Variants in YTHDC2 observed in about 807,000 individuals in gnomAD.
YTHDC2 encodes the protein 3'-5' RNA helicase YTHDC2.
YTHDC2 carries 45 observed loss-of-function variants against 174.9 expected under a neutral mutation model. That is an observed-to-expected ratio of 0.26 (90% CI 0.20 to 0.33). The LOEUF is 0.33. Ranked by LOEUF, YTHDC2 falls within the 10% of genes least tolerant of loss-of-function variation. YTHDC2 has a pLI of 1.00. For missense variants in YTHDC2, 1,650 were observed against 1,723.7 expected (o/e 0.96, Z 0.76); for synonymous variants, 657 against 574.5 (o/e 1.14, Z -2.05).
chr5:113,579,569 AT>A lies in YTHDC2; in HGVS notation c.3245-15del, dbSNP rs1561700452. 2 of 1,542,594 alleles carry A rather than the reference AT, an allele frequency of 1.3e-6. No individual in the cohort carries two copies. Among genetic ancestry groups the A allele is most frequent in the Non-Finnish European group, 1.7e-6 (2 of 1,144,730 alleles). Reference sequence around the variant, plus strand: ...AGAAGGTAAAAGTGATTTTTTTTTCATTATGTACTTGGACAGTGGATGGCAT... The same window carrying A: ...AGAAGGTAAAAGTGATTTTTTTTTCATATGTACTTGGACAGTGGATGGCAT... On this transcript the variant is annotated splice_polypyrimidine_tract_variant and intron_variant, in intron 23 of 29. Coordinates refer to ENST00000161863, the MANE Select transcript of YTHDC2 (RefSeq NM_022828.5).
chr5:113,533,062 T>C lies in YTHDC2; in HGVS notation c.842+17T>C. On this transcript the variant is annotated intron_variant, in intron 5 of 29. Coordinates refer to ENST00000161863, the MANE Select transcript of YTHDC2 (RefSeq NM_022828.5). ...AGAAAGCAGGTAAAAACAGTTCTCA[T>C]GTATCTTCTCTTTTATCATGCTTAA... 1 of 1,612,238 alleles carries C rather than the reference T, an allele frequency of 6.2e-7. No homozygotes were observed. Among genetic ancestry groups the C allele is most frequent in the African/African-American group, 1.3e-5 (1 of 74,774 alleles).
intron 4 of YTHDC2, among the ~76,000 whole-genome samples, chr5:113,529,727 T>C (rs1774524003): frequency 6.6e-6 from 1 of 152,154 alleles, no homozygotes; most frequent in Non-Finnish European, 1.5e-5. Flanking sequence ...TGCTTTATTA[T>C]ATATTATAGA....
intron 6 of YTHDC2, among the ~76,000 whole-genome samples, chr5:113,535,441 A>G (rs1338991996): frequency 3.3e-5 from 5 of 152,152 alleles, no homozygotes; most frequent in South Asian, 2.1e-4. Context: ...CCAGGGGACA[A>G]CTTTACTTTG....
chr5:113,539,047 A>G (rs761647854), intron 7 of YTHDC2, 27 bp from the exon 8 acceptor site: 4 of 1,096,594 alleles, frequency 3.6e-6, no homozygotes, highest in Admixed American at 6.4e-5. Flanking sequence ...ATGCAAGTTG[A>G]GTATTTAATT....
intron 4 of YTHDC2, 129 bp from the exon 5 acceptor site, chr5:113,532,747 ATGT>A (rs1358883534): frequency 6.7e-5 from 49 of 727,292 alleles, no homozygotes; most frequent in Admixed American, 2.7e-4. Context: ...AGTTACATGA[ATGT>A]TGTTGATTTT....
intron 17 of YTHDC2, among the ~76,000 whole-genome samples, chr5:113,558,002 G>A (rs1237426160): frequency 6.6e-6 from 1 of 152,188 alleles, no homozygotes; most frequent in Non-Finnish European, 1.5e-5. Flanking sequence ...AGTAAATTAA[G>A]CAATTTTAAT....
intron 17 of YTHDC2, 69 bp downstream of exon 17, chr5:113,556,203 A>G (rs1776596595): frequency 1.3e-6 from 1 of 751,058 alleles, no homozygotes; most frequent in Non-Finnish European, 2.2e-6. Context: ...TGCATTACAC[A>G]TTTATCATAT....
intron 11 of YTHDC2, 90 bp from the exon 12 acceptor site, chr5:113,548,865 G>A: frequency 7.7e-7 from 1 of 1,291,730 alleles, no homozygotes; most frequent in Non-Finnish European, 1.0e-6. Flanking sequence ...AAATTTTTTT[G>A]AAAAGACAGG....
chr5:113,534,434 T>G, intron 6 of YTHDC2, 27 bp downstream of exon 6: 1 of 1,586,818 alleles, frequency 6.3e-7, no homozygotes, highest in African/African-American at 1.3e-5. Flanking sequence ...ATTTGTCATA[T>G]GTAACTCAGA....
At chr5:113,588,125 A>G (rs1021915369) in intron 26 of YTHDC2, among the ~76,000 whole-genome samples, 1 of 152,038 alleles carries the variant, frequency 6.6e-6, no homozygotes, top group African/African-American at 2.4e-5. Flanking sequence ...TATTAATTCT[A>G]TTAGCTTTTT....
rs1448734981 is a variant in YTHDC2 at position 113,581,675 on chromosome 5, A to G, written c.3613A>G (p.Thr1205Ala). 30 of 1,608,042 alleles carry G rather than the reference A, an allele frequency of 1.9e-5. No individual in the cohort carries two copies. The highest frequency in any genetic ancestry group is 2.4e-5 in the Non-Finnish European group (28 of 1,177,966). The change falls in exon 25 of 30, where the codon ACT becomes GCT. Residue 1205 changes from threonine to alanine, a missense_variant. By Grantham distance (58) the Thr-to-Ala change is moderately conservative. Coordinates refer to ENST00000161863, the MANE Select transcript of YTHDC2 (RefSeq NM_022828.5). ...TAATAGTAGGAAAAGTTCAGCAGATACTGAATTTTCTGATGAGTGTACTAC... is the reference window on the plus strand; with the variant it reads ...TAATAGTAGGAAAAGTTCAGCAGATGCTGAATTTTCTGATGAGTGTACTAC... Reference protein sequence around the residue: ...SNNSRKSSADTEFSDECTTAE... With the variant: ...SNNSRKSSADAEFSDECTTAE...
Position 113,513,868 on chromosome 5 carries a change from C to G in YTHDC2, c.-28C>G, listed in dbSNP as rs767708882. 6 of 1,575,488 alleles carry G rather than the reference C, an allele frequency of 3.8e-6. No homozygotes were observed. The highest frequency in any genetic ancestry group is 3.7e-5 in the Admixed American group (2 of 53,976). On this transcript the variant is annotated 5_prime_UTR_variant, in exon 1 of 30. Transcript: ENST00000161863. The stretch of plus-strand genomic sequence containing the variant: ...GTCAGCTAGCAGGCCTGGCCGCTCC[C>G]GTGCGGAGAGACCATCTCTTCAGGG...
At chr5:113,556,215 T>A in intron 17 of YTHDC2, 81 bp downstream of exon 17, 1 of 676,544 alleles carries the variant, frequency 1.5e-6, no homozygotes, top group Admixed American at 3.0e-5. Context: ...TTATCATATA[T>A]TCCATGTTCA....
chr5:113,535,728 A>G lies in YTHDC2; in HGVS notation c.1032A>G (p.Leu344=), dbSNP rs1775008767. The G allele has an allele frequency of 5.0e-6, 8 of 1,613,768 alleles. No individual in the cohort carries two copies. Among genetic ancestry groups the G allele is most frequent in the Non-Finnish European group, 6.8e-6 (8 of 1,179,798 alleles). The change falls in exon 7 of 30, where the codon CTA becomes CTG. Residue 344 remains leucine, a synonymous_variant. Coordinates refer to ENST00000161863, the MANE Select transcript of YTHDC2 (RefSeq NM_022828.5). ...TGCAAAAGCACCCAACTTTGAAACT[A>G]ATTCTTTCTAGTGCTGCCTTGGATG... The part of the protein sequence containing the change: ...DLLQKHPTLK[L]ILSSAALDVN...
intron 4 of YTHDC2, among the ~76,000 whole-genome samples, chr5:113,530,083 C>A (rs1366513035): frequency 1.3e-5 from 2 of 152,118 alleles, no homozygotes. Context: ...ACTATAGGTG[C>A]ATACCACCAC....
intron 23 of YTHDC2, among the ~76,000 whole-genome samples, chr5:113,577,260 C>T (rs1313083048): frequency 6.6e-6 from 1 of 151,868 alleles, no homozygotes; most frequent in Admixed American, 6.6e-5. Flanking sequence ...TCTTTACTGC[C>T]TTTCTGTTAT....
intron 9 of YTHDC2, 108 bp downstream of exon 9, chr5:113,541,224 C>G: frequency 8.1e-7 from 1 of 1,236,510 alleles, no homozygotes; most frequent in Non-Finnish European, 1.1e-6. Context: ...TGGAGTCTGG[C>G]TCTGTGGCCC....
At position 113,594,156 on chromosome 5, in the gene YTHDC2, C is replaced by G. The variant is rs1310814485; in HGVS notation, c.*682C>G. Reference sequence around the variant, plus strand: ...ATTAGATTAAGTGCTTAGTTTTATTCCTAATTCTGCCCCTTTTAACCTGAT... The same window carrying G: ...ATTAGATTAAGTGCTTAGTTTTATTGCTAATTCTGCCCCTTTTAACCTGAT... On this transcript the variant is annotated 3_prime_UTR_variant, in exon 30 of 30. Transcript: ENST00000161863. 1 of 152,040 alleles carries G rather than the reference C, an allele frequency of 6.6e-6. No homozygotes were observed. The highest frequency in any genetic ancestry group is 1.5e-5 in the Non-Finnish European group (1 of 68,006). 9.4% of individuals were successfully genotyped at this position (152,040 alleles called of 1,614,324 possible).
chr5:113,533,641 A>G (rs186045795), intron 5 of YTHDC2, among the ~76,000 whole-genome samples: 28 of 152,310 alleles, frequency 1.8e-4, no homozygotes, highest in Admixed American at 3.3e-4. Flanking sequence ...TGAGTCAAAG[A>G]AAAGCATCTA....
Sources: gnomAD v4.1 joint callset for allele counts (sites outside exome capture counted in the v4.1 genomes callset) on GRCh38, gnomAD v4.1.1 for gene constraint, MANE v1.5 for transcripts, NCBI Gene and HGNC (gene_info 2026-07-23, HGNC 2026-07-21) for gene names.